EFHC2: variants seen among roughly 807,000 people sequenced by gnomAD.
EFHC2 encodes the protein EF-hand domain-containing family member C2.
Under a neutral mutation model 52.7 loss-of-function variants are expected in EFHC2, and 18 were observed. The observed-to-expected ratio is 0.34, with a 90% CI of 0.24 to 0.51. The LOEUF (loss-of-function observed/expected upper bound fraction) is 0.51, where lower values mean the gene tolerates loss of function less well. EFHC2 is among the 20% of genes least tolerant of loss of function. The pLI is 0.97. For synonymous variants in EFHC2, 203 were observed against 204.1 expected, an observed-to-expected ratio of 0.99 and a Z score of 0.04; for missense variants, 513 against 562.5, an observed-to-expected ratio of 0.91 and a Z score of 0.89.
chrX:44,241,908 G>A (rs1005514460), intron 8 of EFHC2, among the ~76,000 whole-genome samples: 2 of 112,106 alleles, frequency 1.8e-5, no homozygotes, highest in African/African-American at 6.5e-5. Context: ...TATTACTTTA[G>A]GGGCCTCCAG....
rs369956826 is a variant in EFHC2 at position 44,188,146 on chromosome X, A to AT, written c.1752-9583dup. On this transcript the variant is annotated intron_variant, in intron 11 of 14. Transcript: ENST00000420999. ...GAGGTATGTGCCACCACGCCCAGCA[A>AT]TTTTTTTTTTTTTTGGTAGAGACGG... is the stretch of plus-strand genomic sequence containing the variant. Among the ~76,000 whole-genome samples, 249 of 95,249 alleles carry AT rather than the reference A, an allele frequency of 2.6e-3. 3 individuals are homozygous for AT. The highest frequency in any genetic ancestry group is 0.015 in the South Asian group (28 of 1,825). 82.7% of individuals were successfully genotyped at this position (95,249 alleles called of 115,157 possible).
chrX:44,215,320 T>C (rs1195300022), intron 11 of EFHC2, among the ~76,000 whole-genome samples: 2 of 111,157 alleles, frequency 1.8e-5, no homozygotes, highest in Non-Finnish European at 3.8e-5. Flanking sequence ...TAAATGTATA[T>C]TGCAAACTCT....
chrX:44,328,580 T>G (rs1468043325), intron 1 of EFHC2, among the ~76,000 whole-genome samples: 1 of 112,123 alleles, frequency 8.9e-6, no homozygotes, highest in East Asian at 2.8e-4. Context: ...AATCTCCCCG[T>G]GACCCCCACC....
rs1228291394 is a variant in EFHC2, at chrX:44,343,642, C to CA, written c.-55_-54insT. 1.1e-6 allele frequency: 1 copy of CA among 926,846 alleles called. No homozygotes were observed. Among genetic ancestry groups the CA allele is most frequent in the Admixed American group, 4.0e-5 (1 of 25,168 alleles). The allele number at this position is 926,846 out of a possible 1,213,427, so 76.4% of individuals were successfully genotyped here. ...CCAGAAGAGAGGGCCCGGCAGGCAGCGGCGCCTCCCGGCCGTGTTGTTTGG... is the reference window on the plus strand; with the variant it reads ...CCAGAAGAGAGGGCCCGGCAGGCAGCAGGCGCCTCCCGGCCGTGTTGTTTGG... On this transcript the variant is annotated 5_prime_UTR_variant, in exon 1 of 15. Transcript: ENST00000420999.
At chrX:44,336,143 T>C (rs1354326033) in intron 1 of EFHC2, among the ~76,000 whole-genome samples, 2 of 106,242 alleles carry the variant, frequency 1.9e-5, no homozygotes, top group African/African-American at 6.8e-5. Flanking sequence ...TCTCAGCACT[T>C]TGGGAGGCCG....
At chrX:44,253,237 T>G (rs951594661) in intron 4 of EFHC2, among the ~76,000 whole-genome samples, 1 of 109,878 alleles carries the variant, frequency 9.1e-6, no homozygotes, top group Admixed American at 9.7e-5. Flanking sequence ...AGCTGCAGTT[T>G]TTTTTTTTTT....
intron 11 of EFHC2, among the ~76,000 whole-genome samples, chrX:44,228,234 T>G (rs1253968473): frequency 8.9e-6 from 1 of 111,808 alleles, no homozygotes; most frequent in Non-Finnish European, 1.9e-5. Flanking sequence ...CCACCCACAA[T>G]TAGGGTCAGG....
At chrX:44,218,965 C>G (rs1186023340) in intron 11 of EFHC2, among the ~76,000 whole-genome samples, 1 of 110,636 alleles carries the variant, frequency 9.0e-6, no homozygotes, top group African/African-American at 3.3e-5. Flanking sequence ...GGGAATGAAT[C>G]AACAAATGGT....
At chrX:44,262,645 T>C (rs1367947653) in intron 3 of EFHC2, among the ~76,000 whole-genome samples, 3 of 111,147 alleles carry the variant, frequency 2.7e-5, no homozygotes, top group Non-Finnish European at 3.8e-5. Context: ...TGGATGCTGG[T>C]AGAAGACAGG....
At position 44,261,219 on chromosome X, in the gene EFHC2, G is replaced by C. The variant is rs749456044; in HGVS notation, c.462C>G (p.Val154=). The C allele has an allele frequency of 8.3e-7, 1 of 1,211,164 alleles. No individual in the cohort carries two copies. Among genetic ancestry groups the C allele is most frequent in the Non-Finnish European group, 1.1e-6 (1 of 895,233 alleles). Residue 154 remains valine, a synonymous_variant, in exon 4 of 15, where the codon GTC becomes GTG. Transcript: ENST00000420999. ...DQFYTVYHFN[V]GTEVVFYGRT... ...GGCCATAGAAGACAACCTCTGTGCC[G>C]ACATTAAAATGATACACAGTATAAA...
chrX:44,329,585 T>C (rs1258139894), intron 1 of EFHC2, among the ~76,000 whole-genome samples: 4 of 104,330 alleles, frequency 3.8e-5, no homozygotes, highest in African/African-American at 1.4e-4. Context: ...TAAATAAAAA[T>C]TAACTTAAAA....
intron 2 of EFHC2, chrX:44,310,212 T>C (rs2037936857): frequency 6.9e-6 from 5 of 727,500 alleles, no homozygotes; most frequent in South Asian, 4.2e-5. Flanking sequence ...CTGCCAGATA[T>C]CATGGTACTC....
chrX:44,177,904 C>G (rs761778065), intron 12 of EFHC2, among the ~76,000 whole-genome samples: 56 of 109,242 alleles, frequency 5.1e-4, no homozygotes, highest in Non-Finnish European at 9.5e-4. Flanking sequence ...TACAGGGCCT[C>G]CCCTATTCCG....
At chrX:44,274,247 C>T (rs964342172) in intron 2 of EFHC2, among the ~76,000 whole-genome samples, 3 of 112,435 alleles carry the variant, frequency 2.7e-5, no homozygotes, top group African/African-American at 9.7e-5. Context: ...GCTTCATTCC[C>T]AAATAGTCCT....
At chrX:44,242,589 C>T (rs1340186452) in intron 7 of EFHC2, among the ~76,000 whole-genome samples, 2 of 109,315 alleles carry the variant, frequency 1.8e-5, no homozygotes, top group Non-Finnish European at 3.8e-5. Flanking sequence ...ATTTTTTGTT[C>T]TCCTCTGATT....
At position 44,185,017 on chromosome X, in the gene EFHC2, T is replaced by C. The variant is rs181128643; in HGVS notation, c.1752-6453A>G. On this transcript the variant is annotated intron_variant, in intron 11 of 14. Coordinates refer to ENST00000420999, the MANE Select transcript of EFHC2 (RefSeq NM_025184.4). ...CTGATGAATAAATGAAAAATGAGGA[T>C]TAAGTTAGCAAGATATAAAAAGCAT... Among the ~76,000 whole-genome samples, 7 of 111,726 alleles carry C rather than the reference T, an allele frequency of 6.3e-5. No homozygotes were observed. In the East Asian group the frequency reaches 1.7e-3, roughly 27 times the overall value.
chrX:44,313,109 A>AAAAAAAAAAAAAAAAAAG (rs2037960016), intron 1 of EFHC2, among the ~76,000 whole-genome samples: 1 of 105,047 alleles, frequency 9.5e-6, no homozygotes, highest in Admixed American at 1.1e-4. Flanking sequence ...AAAAAAAAAA[A>AAAAAAAAAAAAAAAAAAG]AAAGAAAGAA....
chrX:44,312,593 G>C lies in EFHC2; in HGVS notation c.206C>G (p.Pro69Arg). ...CTGTTTATCAAAGGCTACCCATGAT[G>C]GTACATCACTTCCATCTCCTTTAGG... ...IYPKGDGSDVPSWVAFDKQVL... is the reference protein window; with the variant it reads ...IYPKGDGSDVRSWVAFDKQVL... The change falls in exon 2 of 15, where the codon CCA becomes CGA. Residue 69 changes from proline (P) to arginine (R), a missense_variant. Transcript: ENST00000420999. 1 of 1,204,398 alleles carries C rather than the reference G, an allele frequency of 8.3e-7. No individual in the cohort carries two copies. Among genetic ancestry groups the C allele is most frequent in the Non-Finnish European group, 1.1e-6 (1 of 892,556 alleles).
intron 11 of EFHC2, among the ~76,000 whole-genome samples, chrX:44,195,355 T>C (rs908734702): frequency 8.9e-6 from 1 of 111,844 alleles, no homozygotes; most frequent in Non-Finnish European, 1.9e-5. Flanking sequence ...TGGGCCCAGC[T>C]CAGATCAACG....
Sources: allele counts gnomAD v4.1 joint callset (sites outside exome capture counted in the v4.1 genomes callset), GRCh38; gene constraint gnomAD v4.1.1; transcripts MANE v1.5; gene names NCBI Gene and HGNC (gene_info 2026-07-23, HGNC 2026-07-21).